SLAIN2: variants seen among roughly 807,000 people sequenced by gnomAD.
SLAIN2 encodes the protein SLAIN motif-containing protein 2.
A neutral mutation model predicts 56.6 loss-of-function variants in SLAIN2; 31 were observed. The observed-to-expected ratio is 0.55, with a 90% CI of 0.41 to 0.74. The LOEUF (loss-of-function observed/expected upper bound fraction) is 0.74. Among genes scored for constraint, SLAIN2 ranks in the 30% least tolerant of loss-of-function variants. The pLI, the probability that SLAIN2 is intolerant of heterozygous loss-of-function variation, is 0.00. For missense variants in SLAIN2, 777 were observed against 754.2 expected, an observed-to-expected ratio of 1.03 and a Z score of -0.35; for synonymous variants, 317 against 284.9, an observed-to-expected ratio of 1.11 and a Z score of -1.13.
In SLAIN2 at chr4:48,341,930, C is replaced by T. The variant is rs1279368219; in HGVS notation, c.191C>T (p.Pro64Leu). Residue 64 changes from proline (P) to leucine (L), a missense_variant, in exon 1 of 8, where the codon CCT (proline) becomes CTT (leucine). Transcript: ENST00000264313. ...ATTCCCTCCTCCGGCGCGGCGTCTC[C>T]TCGGGGCTTCCCCTTGGGCCTCAGC... Reference protein sequence around the residue: ...ASIPSSGAASPRGFPLGLSAK... With the variant: ...ASIPSSGAASLRGFPLGLSAK... 1.3e-6 allele frequency: 2 copies of T among 1,502,540 alleles called. No individual in the cohort carries two copies. Among genetic ancestry groups the T allele is most frequent in the East Asian group, 2.8e-5 (1 of 35,460 alleles). 93.1% of individuals were successfully genotyped at this position (1,502,540 alleles called of 1,614,324 possible).
intron 6 of SLAIN2, among the ~76,000 whole-genome samples, chr4:48,385,836 C>T (rs1316170336): frequency 1.3e-5 from 2 of 151,822 alleles, no homozygotes; most frequent in Non-Finnish European, 2.9e-5. Flanking sequence ...TAGCTGACTT[C>T]ATATACTTCA....
intron 6 of SLAIN2, chr4:48,394,709 T>A: frequency 6.9e-7 from 1 of 1,450,344 alleles, no homozygotes; most frequent in Non-Finnish European, 9.3e-7. Flanking sequence ...AGTTAAATCT[T>A]AAGCCATTTG....
At chr4:48,370,679 G>A (rs1715639464) in intron 2 of SLAIN2, among the ~76,000 whole-genome samples, 1 of 152,196 alleles carries the variant, frequency 6.6e-6, no homozygotes. Context: ...ATTTAATGTA[G>A]CATGCCAGTG....
intron 1 of SLAIN2, among the ~76,000 whole-genome samples, chr4:48,366,263 A>C (rs1309333944): frequency 2.0e-5 from 3 of 152,230 alleles, no homozygotes; most frequent in Non-Finnish European, 4.4e-5. Context: ...TTCCATGTGC[A>C]GTTAAAAAGA....
Position 48,383,563 on chromosome 4 carries a change from A to G in SLAIN2, c.1223-84A>G, listed in dbSNP as rs143736332. The G allele has an allele frequency of 4.6e-4, 567 of 1,231,088 alleles. 5 individuals are homozygous for G. The East Asian group carries it at 0.012, about 27-fold the overall frequency. The allele number at this position is 1,231,088 out of a possible 1,614,324, so 76.3% of individuals were successfully genotyped here. On this transcript the variant is annotated intron_variant, in intron 5 of 7. Transcript: ENST00000264313. ...AAATAAACAGAATGTTTGATAAACAATTTGATTTTTGAATGCTAGTTAATA... is the reference window on the plus strand; with the variant it reads ...AAATAAACAGAATGTTTGATAAACAGTTTGATTTTTGAATGCTAGTTAATA...
chr4:48,369,977 A>G lies in SLAIN2; in HGVS notation c.518A>G (p.Lys173Arg), dbSNP rs1715622164. 1.2e-6 allele frequency: 2 copies of G among 1,613,604 alleles called. No individual in the cohort carries two copies. The highest frequency in any genetic ancestry group is 2.2e-5 in the East Asian group (1 of 44,848). Residue 173 changes from lysine to arginine, a missense_variant, in exon 2 of 8, where the codon AAA becomes AGA. Physicochemically the swap from Lys to Arg is conservative, Grantham distance 26. Coordinates refer to ENST00000264313, the MANE Select transcript of SLAIN2 (RefSeq NM_020846.2). The part of the protein sequence containing the change: ...VECAKKSLIH[K>R]LDQTMSALKR... ...TGTGCTAAAAAATCTCTTATCCACAAACTTGATCAAACTATGTCAGGTATG... is the reference window on the plus strand; with the variant it reads ...TGTGCTAAAAAATCTCTTATCCACAGACTTGATCAAACTATGTCAGGTATG...
At chr4:48,378,105 T>G (rs1315982026) in intron 3 of SLAIN2, 45 bp downstream of exon 3, 2 of 1,561,006 alleles carry the variant, frequency 1.3e-6, no homozygotes, top group East Asian at 4.5e-5. Context: ...GTTTTTTAGC[T>G]TACTGCACTG....
chr4:48,375,341 A>G (rs1325160992), intron 2 of SLAIN2, among the ~76,000 whole-genome samples: 1 of 152,154 alleles, frequency 6.6e-6, no homozygotes, highest in Non-Finnish European at 1.5e-5. Flanking sequence ...GTACAAAACT[A>G]CATGGTCCAA....
At chr4:48,375,521 G>A (rs953850752) in intron 2 of SLAIN2, among the ~76,000 whole-genome samples, 7 of 150,652 alleles carry the variant, frequency 4.6e-5, no homozygotes, top group Admixed American at 4.0e-4. Flanking sequence ...TCTAGTCACC[G>A]TGTACTACCT....
intron 6 of SLAIN2, among the ~76,000 whole-genome samples, chr4:48,407,072 T>G (rs1170512545): frequency 6.6e-6 from 1 of 152,128 alleles, no homozygotes; most frequent in Non-Finnish European, 1.5e-5. Context: ...GAATTATAGT[T>G]TTTTATATTC....
rs748099130 is a variant in SLAIN2, at chr4:48,412,365, TACACACACAC to T, written c.1361-7718_1361-7709del. 5.7e-3 allele frequency among the ~76,000 whole-genome samples: 647 copies of T among 112,970 alleles called. 12 individuals are homozygous for T. The highest frequency in any genetic ancestry group is 0.017 in the African/African-American group (515 of 30,072). The allele number at this position is 112,970 out of a possible 152,430, so 74.1% of individuals were successfully genotyped here. On this transcript the variant is annotated intron_variant, in intron 6 of 7. Coordinates refer to ENST00000264313, the MANE Select transcript of SLAIN2 (RefSeq NM_020846.2). ...TTCCTGTAATGTATGTTTGTATATG[TACACACACAC>T]ACACACACACACACACACACACACA... is the stretch of plus-strand genomic sequence containing the variant.
In SLAIN2 at chr4:48,422,098, G is replaced by T. The variant is rs147593344; in HGVS notation, c.*21G>T. Reference sequence around the variant, plus strand: ...ACTGACCAGCAAAGACAAGAATGCAGAAGTCCACGGCTTCATGGATACCCT... The same window carrying T: ...ACTGACCAGCAAAGACAAGAATGCATAAGTCCACGGCTTCATGGATACCCT... On this transcript the variant is annotated 3_prime_UTR_variant, in exon 8 of 8. Coordinates refer to ENST00000264313, the MANE Select transcript of SLAIN2 (RefSeq NM_020846.2). 4.4e-6 allele frequency: 7 copies of T among 1,597,672 alleles called. No individual in the cohort carries two copies. The South Asian group carries it at 5.6e-5, about 13-fold the overall frequency.
At position 48,420,388 on chromosome 4, in the gene SLAIN2, C is replaced by T; in HGVS notation, c.1624C>T (p.Pro542Ser). 1 of 1,613,996 alleles carries T rather than the reference C, an allele frequency of 6.2e-7. No individual in the cohort carries two copies. The highest frequency in any genetic ancestry group is 1.3e-5 in the African/African-American group (1 of 75,058). Residue 542 changes from proline (P) to serine (S), a missense_variant, in exon 7 of 8, where the codon CCT becomes TCT. Transcript: ENST00000264313. ...MRSGLPRPSA[P>S]SAGGIPVPRS... is the part of the protein sequence containing the mutation. ...AAGTGGCTTGCCCAGACCCAGTGCC[C>T]CTTCTGCTGGGGGCATACCAGTGCC...
At chr4:48,406,504 T>C (rs1387107164) in intron 6 of SLAIN2, among the ~76,000 whole-genome samples, 5 of 150,070 alleles carry the variant, frequency 3.3e-5, no homozygotes, top group African/African-American at 4.9e-5. Flanking sequence ...TTTTTACAAC[T>C]TTTGGTTATG....
intron 3 of SLAIN2, among the ~76,000 whole-genome samples, chr4:48,378,791 T>A (rs764992754): frequency 7.9e-5 from 12 of 152,294 alleles, no homozygotes; most frequent in Middle Eastern, 3.4e-3. Context: ...GCTGCAATAT[T>A]TGTTTAAAAT....
intron 6 of SLAIN2, among the ~76,000 whole-genome samples, chr4:48,413,741 TACTG>T (rs1716926613): frequency 1.3e-5 from 2 of 152,216 alleles, no homozygotes; most frequent in Admixed American, 6.5e-5. Context: ...ACTATATACT[TACTG>T]GGCATTTATA....
At chr4:48,389,367 C>T (rs979979571) in intron 6 of SLAIN2, among the ~76,000 whole-genome samples, 1 of 152,186 alleles carries the variant, frequency 6.6e-6, no homozygotes, top group Non-Finnish European at 1.5e-5. Flanking sequence ...TAAACCCTGA[C>T]TTTGGTGGAC....
chr4:48,425,101 A>T lies in SLAIN2; in HGVS notation c.*3024A>T, dbSNP rs1186037657. On this transcript the variant is annotated 3_prime_UTR_variant, in exon 8 of 8. Transcript: ENST00000264313. Reference sequence around the variant, plus strand: ...AGTTGCCTACACTTGGTTTTAATAAATTACTCAGTTGAGTTTTTCTTTAAC... The same window carrying T: ...AGTTGCCTACACTTGGTTTTAATAATTTACTCAGTTGAGTTTTTCTTTAAC... 6.6e-6 allele frequency: 1 copy of T among 152,106 alleles called. No individual in the cohort carries two copies. Among genetic ancestry groups the T allele is most frequent in the Non-Finnish European group, 1.5e-5 (1 of 67,970 alleles). The allele number at this position is 152,106 out of a possible 1,614,324, so 9.4% of individuals were successfully genotyped here.
chr4:48,406,730 A>T (rs1275093339), intron 6 of SLAIN2, among the ~76,000 whole-genome samples: 1 of 152,132 alleles, frequency 6.6e-6, no homozygotes, highest in East Asian at 1.9e-4. Context: ...TTAAGGAATT[A>T]TGAGAACAGT....
Sources: gnomAD v4.1 joint callset for allele counts (sites outside exome capture counted in the v4.1 genomes callset) on GRCh38, gnomAD v4.1.1 for gene constraint, MANE v1.5 for transcripts, NCBI Gene and HGNC (gene_info 2026-07-23, HGNC 2026-07-21) for gene names.